The following RAP1GAP2 variants were observed in gnomAD, a reference collection of about 807,000 sequenced individuals.
RAP1GAP2 encodes the protein rap1 GTPase-activating protein 2.
A neutral mutation model predicts 95.0 loss-of-function variants in RAP1GAP2; 27 were observed. The ratio of observed to expected loss-of-function variants is 0.28; its 90% confidence interval spans 0.21 to 0.39. The LOEUF is 0.39. RAP1GAP2 is among the 10% of genes least tolerant of loss of function. The pLI is 1.00. For missense variants in RAP1GAP2, 771 were observed against 970.0 expected, an observed-to-expected ratio of 0.79 and a Z score of 2.72; for synonymous variants, 373 against 380.9, an observed-to-expected ratio of 0.98 and a Z score of 0.24.
intron 3 of RAP1GAP2, among the ~76,000 whole-genome samples, chr17:2,949,205 GC>G (rs1237479577): frequency 6.6e-6 from 1 of 152,162 alleles, no homozygotes; most frequent in East Asian, 1.9e-4. Context: ...AATGCTGGCC[GC>G]CCCTCTGATT....
chr17:2,931,347 T>C (rs1021486485), intron 3 of RAP1GAP2, among the ~76,000 whole-genome samples: 1 of 151,368 alleles, frequency 6.6e-6, no homozygotes, highest in East Asian at 1.9e-4. Context: ...TGTGGTTAGT[T>C]CTTTGTTGTA....
rs202055537 is a variant in RAP1GAP2, at chr17:3,020,613, C to T, written c.1751+18C>T. On this transcript the variant is annotated intron_variant, in intron 19 of 24. Transcript: ENST00000254695. The stretch of plus-strand genomic sequence containing the variant: ...GCACGATGGTAACTGTTGGGAAACC[C>T]CTACCCCAGCCTGACTTGCGGGGTC... 4.4e-6 allele frequency: 7 copies of T among 1,606,188 alleles called. No homozygotes were observed. In the Admixed American group the frequency reaches 1.0e-4, roughly 23 times the overall value.
At chr17:2,862,094 C>T (rs2151621011) in intron 2 of RAP1GAP2, among the ~76,000 whole-genome samples, 1 of 152,246 alleles carries the variant, frequency 6.6e-6, no homozygotes, top group East Asian at 1.9e-4. Context: ...GTAGCTCTGT[C>T]ATTATGCCTT....
chr17:2,836,259 A>G (rs1013063544), intron 2 of RAP1GAP2, among the ~76,000 whole-genome samples: 10 of 152,054 alleles, frequency 6.6e-5, no homozygotes, highest in Non-Finnish European at 1.2e-4. Flanking sequence ...AACCTTACTC[A>G]AACTGGCTTA....
intron 2 of RAP1GAP2, among the ~76,000 whole-genome samples, chr17:2,820,922 G>GAGA (rs2070275115): frequency 9.6e-6 from 1 of 104,516 alleles, no homozygotes; most frequent in Admixed American, 1.3e-4. Flanking sequence ...ATTTTTAGTA[G>GAGA]AGATAGGTTT....
chr17:2,816,567 G>A (rs952164472), intron 2 of RAP1GAP2, among the ~76,000 whole-genome samples: 1 of 152,014 alleles, frequency 6.6e-6, no homozygotes, highest in Admixed American at 6.6e-5. Flanking sequence ...TCGAACTCCT[G>A]ACCTCAGGTG....
chr17:2,853,126 G>C (rs1025391613), intron 2 of RAP1GAP2, among the ~76,000 whole-genome samples: 2 of 152,132 alleles, frequency 1.3e-5, no homozygotes, highest in Admixed American at 1.3e-4. Flanking sequence ...GCCGACCCCA[G>C]CCCACTCTGC....
chr17:2,850,149 C>T (rs1304877404), intron 2 of RAP1GAP2, among the ~76,000 whole-genome samples: 5 of 151,434 alleles, frequency 3.3e-5, no homozygotes, highest in African/African-American at 9.7e-5. Flanking sequence ...TACAGGCACC[C>T]GCCACCACGC....
At chr17:2,976,541 G>A (rs1597778221) in intron 8 of RAP1GAP2, among the ~76,000 whole-genome samples, 1 of 152,076 alleles carries the variant, frequency 6.6e-6, no homozygotes, top group East Asian at 1.9e-4. Context: ...AAATTGTGTG[G>A]GCTGCAGTTG....
chr17:2,762,137 G>A (rs1307997137), intron 1 of RAP1GAP2, among the ~76,000 whole-genome samples: 22 of 151,130 alleles, frequency 1.5e-4, no homozygotes, highest in Admixed American at 8.6e-4. Flanking sequence ...ACAGGCGCCC[G>A]CCACCACGCC....
intron 2 of RAP1GAP2, among the ~76,000 whole-genome samples, chr17:2,850,235 C>G (rs1250627408): frequency 6.6e-6 from 1 of 150,440 alleles, no homozygotes; most frequent in East Asian, 2.0e-4. Context: ...CTCCTGACCT[C>G]ATGATCCGCC....
chr17:3,004,029 G>C lies in RAP1GAP2; in HGVS notation c.1201-1340G>C, dbSNP rs181400991. On this transcript the variant is annotated intron_variant, in intron 14 of 24. Transcript: ENST00000254695. The surrounding 1 kb of genome is among the most constrained non-coding windows in gnomAD (Gnocchi z 4.1). ...GAGGAGGGGGAGTGGGGTGGGAAGG[G>C]CAGAGCTGGGGCTGCCCTCTGGCCT... Among the ~76,000 whole-genome samples the C allele has an allele frequency of 6.6e-6, 1 of 152,234 alleles. No individual in the cohort carries two copies. Among genetic ancestry groups the C allele is most frequent in the African/African-American group, 2.4e-5 (1 of 41,542 alleles).
rs562083917 is a variant in RAP1GAP2 at position 2,992,318 on chromosome 17, T to C, written c.914+921T>C. ...TGGGACTACAAGGCGCGCGCCACCATGCCTGGCTAATTTTTGTATTTTTGG... is the reference window on the plus strand; with the variant it reads ...TGGGACTACAAGGCGCGCGCCACCACGCCTGGCTAATTTTTGTATTTTTGG... On this transcript the variant is annotated intron_variant, in intron 12 of 24. Transcript: ENST00000254695. Among the ~76,000 whole-genome samples the C allele has an allele frequency of 4.6e-5, 7 of 151,932 alleles. No homozygotes were observed. In the East Asian group the frequency reaches 9.7e-4, roughly 21 times the overall value.
At chr17:2,955,141 C>T (rs958313404) in intron 3 of RAP1GAP2, among the ~76,000 whole-genome samples, 6 of 152,082 alleles carry the variant, frequency 3.9e-5, no homozygotes, top group African/African-American at 1.2e-4. Flanking sequence ...GTGTATATTC[C>T]TGGGGGTCGA....
intron 2 of RAP1GAP2, among the ~76,000 whole-genome samples, chr17:2,882,310 G>C (rs1224358293): frequency 7.0e-6 from 1 of 143,822 alleles, no homozygotes; most frequent in Non-Finnish European, 1.5e-5. Context: ...TTTTTTTTTG[G>C]CATAGAGTCT....
intron 2 of RAP1GAP2, among the ~76,000 whole-genome samples, chr17:2,868,363 A>G (rs1407202971): frequency 6.6e-6 from 1 of 152,336 alleles, no homozygotes; most frequent in East Asian, 1.9e-4. Flanking sequence ...GAGCGGCCTC[A>G]GGAAAAACCC....
chr17:2,810,910 G>A lies in RAP1GAP2; in HGVS notation c.80+10360G>A, dbSNP rs184394688. Among the ~76,000 whole-genome samples, 33 of 152,154 alleles carry A rather than the reference G, an allele frequency of 2.2e-4. No homozygotes were observed. The East Asian group carries it at 3.9e-3, about 18-fold the overall frequency. On this transcript the variant is annotated intron_variant, in intron 2 of 24. Coordinates refer to ENST00000254695, the MANE Select transcript of RAP1GAP2 (RefSeq NM_015085.5). ...CAGGCTGAGCTTGGTTACCTGTGGG[G>A]ACAGTGAGCTCATTACCTTGTATGG...
chr17:2,967,625 C>T (rs924198251), intron 8 of RAP1GAP2, among the ~76,000 whole-genome samples: 1 of 152,194 alleles, frequency 6.6e-6, no homozygotes, highest in South Asian at 2.1e-4. Context: ...AGGGTGGTGA[C>T]GAGAAGCCGT....
At chr17:2,822,963 A>T (rs1321710886) in intron 2 of RAP1GAP2, among the ~76,000 whole-genome samples, 2 of 152,138 alleles carry the variant, frequency 1.3e-5, no homozygotes, top group Non-Finnish European at 2.9e-5. Context: ...AAATACAAAA[A>T]GTAGCCGGGT....
Sources: allele counts gnomAD v4.1 joint callset (sites outside exome capture counted in the v4.1 genomes callset), GRCh38; gene constraint gnomAD v4.1.1; non-coding constraint Gnocchi (gnomAD v3.1); transcripts MANE v1.5; gene names NCBI Gene and HGNC (gene_info 2026-07-23, HGNC 2026-07-21).